The following NUP188 variants were observed in gnomAD, a reference collection of about 807,000 sequenced individuals.
NUP188 encodes the protein nucleoporin 188, also known as nucleoporin NUP188.
NUP188 carries 97 observed loss-of-function variants against 223.0 expected under a neutral mutation model. That is an observed-to-expected ratio of 0.43 (90% CI 0.37 to 0.51). The LOEUF (loss-of-function observed/expected upper bound fraction) is 0.51, where lower values mean the gene tolerates loss of function less well. Among genes scored for constraint, NUP188 ranks in the 20% least tolerant of loss-of-function variants. NUP188 has a pLI of 0.00. For missense variants in NUP188, 1,947 were observed against 2,175.6 expected (o/e 0.89, Z 2.09); for synonymous variants, 869 against 828.0 (o/e 1.05, Z -0.85).
chr9:129,003,598 A>C (rs1203637195), intron 38 of NUP188, 144 bp downstream of exon 38: 1 of 953,804 alleles, frequency 1.0e-6, no homozygotes, highest in Admixed American at 1.8e-5. Flanking sequence ...GTTTGCTGTC[A>C]TGTGCTTACT....
chr9:128,981,813 G>A (rs1267766175), intron 15 of NUP188, among the ~76,000 whole-genome samples: 2 of 152,108 alleles, frequency 1.3e-5, no homozygotes, highest in Non-Finnish European at 2.9e-5. Context: ...AGTGGCTCAC[G>A]CCTGTAATCC....
chr9:128,986,560 G>A lies in NUP188; in HGVS notation c.2079G>A (p.Gly693=), dbSNP rs1236160335. 3 of 1,612,900 alleles carry A rather than the reference G, an allele frequency of 1.9e-6. No homozygotes were observed. The highest frequency in any genetic ancestry group is 1.3e-5 in the African/African-American group (1 of 74,856). ...FLRLITTLVK[G]QLGSTQSQGL... ...CCTCACTGCATGGTTTCTTGTAGGG[G>A]CAACTTGGTAGTACCCAGAGCCAAG... is the stretch of plus-strand genomic sequence containing the variant. Residue 693 remains glycine (G), a splice_region_variant and synonymous_variant, in exon 21 of 44, where the codon GGG becomes GGA. Coordinates refer to ENST00000372577, the MANE Select transcript of NUP188 (RefSeq NM_015354.3).
Position 128,998,555 on chromosome 9 carries a change from A to T in NUP188, c.3447A>T (p.Ser1149=). ...GTKALLLVPA[S]VNCLRLGSMK... ...CCTTTCAGCTCCTAGTTCCAGCCTC[A>T]GTGAACTGCCTTCGCCTTGGCTCCA... The change falls in exon 32 of 44, where the codon TCA becomes TCT. Residue 1149 remains serine, a synonymous_variant. Transcript: ENST00000372577. The T allele has an allele frequency of 6.2e-7, 1 of 1,614,142 alleles. No homozygotes were observed. The highest frequency in any genetic ancestry group is 8.5e-7 in the Non-Finnish European group (1 of 1,179,996).
intron 28 of NUP188, 89 bp downstream of exon 28, chr9:128,994,531 C>A: frequency 1.2e-6 from 1 of 859,978 alleles, no homozygotes; most frequent in Non-Finnish European, 1.9e-6. Flanking sequence ...ACAATGATAC[C>A]TCCCCTAATT....
At chr9:128,948,599 T>A (rs1172003735) in intron 1 of NUP188, 1 of 150,830 alleles carries the variant, frequency 6.6e-6, no homozygotes, top group South Asian at 2.1e-4. Flanking sequence ...CCACCACGCC[T>A]CCTTCTGTCT....
At position 128,986,805 on chromosome 9, in the gene NUP188, C is replaced by T. The variant is rs1693480633; in HGVS notation, c.2198-4C>T. 1.2e-6 allele frequency: 2 copies of T among 1,614,070 alleles called. No homozygotes were observed. Among genetic ancestry groups the T allele is most frequent in the Non-Finnish European group, 1.7e-6 (2 of 1,179,978 alleles). ...ATCATTCCTCTGTCTTTTCTGGAGT[C>T]CAGGTTGCCTGATCTTGGAGCTGAT... On this transcript the variant is annotated splice_polypyrimidine_tract_variant and splice_region_variant and intron_variant, in intron 21 of 43. Coordinates refer to ENST00000372577, the MANE Select transcript of NUP188 (RefSeq NM_015354.3).
chr9:128,982,956 T>C lies in NUP188; in HGVS notation c.1724T>C (p.Val575Ala). ...CCCATCATTGATCTCGTCCATAAGG[T>C]CATCAGTACAGACCTGTCGATAGCA... ...VKPIIDLVHK[V>A]ISTDLSIADC... The change falls in exon 17 of 44, where the codon GTC becomes GCC. Residue 575 changes from valine to alanine, a missense_variant. By Grantham distance (64) the Val-to-Ala change is moderately conservative. Around this residue, in one of 3 missense-constraint regions of NUP188, gnomAD observed 817 missense variants for 865.8 expected, o/e 0.94. Coordinates refer to ENST00000372577, the MANE Select transcript of NUP188 (RefSeq NM_015354.3). 6.2e-7 allele frequency: 1 copy of C among 1,614,108 alleles called. No individual in the cohort carries two copies. The highest frequency in any genetic ancestry group is 8.5e-7 in the Non-Finnish European group (1 of 1,180,008).
intron 30 of NUP188, among the ~76,000 whole-genome samples, chr9:128,996,330 C>T (rs962180431): frequency 1.3e-5 from 2 of 151,774 alleles, no homozygotes; most frequent in African/African-American, 4.8e-5. Context: ...TTGTATTTTT[C>T]GTAGAGATGG....
intron 10 of NUP188, 63 bp from the exon 11 acceptor site, chr9:128,970,695 T>C: frequency 7.1e-7 from 1 of 1,401,100 alleles, no homozygotes; most frequent in Non-Finnish European, 1.0e-6. Flanking sequence ...TGATGAAGAA[T>C]CTGGTCGAGG....
At chr9:128,988,719 A>ATTTTTTT (rs528821221) in intron 24 of NUP188, among the ~76,000 whole-genome samples, 179 of 72,812 alleles carry the variant, frequency 2.5e-3, no homozygotes, top group Non-Finnish European at 3.4e-3. Context: ...TAATTTTTTA[A>ATTTTTTT]TTTTTTTTTT....
Position 128,983,469 on chromosome 9 carries a change from C to G in NUP188, c.1885-5C>G, listed in dbSNP as rs779645800. The G allele has an allele frequency of 6.2e-7, 1 of 1,613,998 alleles. No individual in the cohort carries two copies. ...GGGCATTTAACTCTTCCTTTTCCTT[C>G]TCAGGTCTGGACTGATCTTCGTCAC... On this transcript the variant is annotated splice_region_variant and splice_polypyrimidine_tract_variant and intron_variant, in intron 18 of 43. Coordinates refer to ENST00000372577, the MANE Select transcript of NUP188 (RefSeq NM_015354.3).
Position 128,983,486 on chromosome 9 carries a change from C to G in NUP188, c.1897C>G (p.Leu633Val). Residue 633 changes from leucine (L) to valine (V), a missense_variant, in exon 19 of 44, where the codon CTT becomes GTT. This residue lies in a region of NUP188 where 817 missense variants were observed against 865.8 expected (regional missense o/e 0.94). Coordinates refer to ENST00000372577, the MANE Select transcript of NUP188 (RefSeq NM_015354.3). ...ARNPAKVWTD[L>V]RHTGFLPFVA... ...TTTTCCTTCTCAGGTCTGGACTGAT[C>G]TTCGTCACACAGGTTTTTTACCATT... The G allele has an allele frequency of 6.2e-7, 1 of 1,614,132 alleles. No homozygotes were observed. Among genetic ancestry groups the G allele is most frequent in the South Asian group, 1.1e-5 (1 of 91,072 alleles).
intron 3 of NUP188, among the ~76,000 whole-genome samples, chr9:128,954,475 C>T (rs1203206822): frequency 6.6e-6 from 1 of 150,904 alleles, no homozygotes; most frequent in Non-Finnish European, 1.5e-5. Context: ...AGCTCTGCCT[C>T]CCGGGTTCAC....
chr9:128,953,376 A>G (rs1458354712), intron 3 of NUP188, among the ~76,000 whole-genome samples: 1 of 152,244 alleles, frequency 6.6e-6, no homozygotes, highest in African/African-American at 2.4e-5. Flanking sequence ...TTGCAAATAA[A>G]GAGAATGCAG....
Position 128,993,301 on chromosome 9 carries a change from A to G in NUP188, c.2745A>G (p.Lys915=). The change falls in exon 26 of 44, where the codon AAA becomes AAG. Residue 915 remains lysine (K), a synonymous_variant. Coordinates refer to ENST00000372577, the MANE Select transcript of NUP188 (RefSeq NM_015354.3). ...LQSKIEDMRI[K]VMILEFLTVA... ...GCAAAATTGAGGACATGCGCATCAAAGTCATGATTCTAGAGTTCCTCACTG... is the reference window on the plus strand; with the variant it reads ...GCAAAATTGAGGACATGCGCATCAAGGTCATGATTCTAGAGTTCCTCACTG... The G allele has an allele frequency of 1.9e-6, 3 of 1,614,212 alleles. No homozygotes were observed. The highest frequency in any genetic ancestry group is 1.7e-6 in the Non-Finnish European group (2 of 1,180,022).
intron 8 of NUP188, chr9:128,964,356 C>T (rs1200310377): frequency 3.5e-6 from 1 of 285,972 alleles, no homozygotes; most frequent in Non-Finnish European, 6.9e-6. Flanking sequence ...TCTTTTCCCA[C>T]CTTAATTCTT....
intron 15 of NUP188, 119 bp from the exon 16 acceptor site, chr9:128,982,427 CAAA>C: frequency 4.0e-6 from 3 of 757,740 alleles, no homozygotes; most frequent in Non-Finnish European, 3.9e-6. Context: ...GACTCTGTCT[CAAA>C]AAAAAAAAAT....
chr9:129,003,868 G>A (rs1842724330), intron 38 of NUP188: 2 of 304,984 alleles, frequency 6.6e-6, no homozygotes, highest in Non-Finnish European at 1.2e-5. Flanking sequence ...AGCTACTCGG[G>A]AGGCTGAGTT....
intron 22 of NUP188, among the ~76,000 whole-genome samples, chr9:128,987,084 A>AGTGTGTGTGT (rs1337461997): frequency 7.8e-6 from 1 of 128,130 alleles, no homozygotes; most frequent in East Asian, 2.3e-4. Flanking sequence ...AGAGAGAGAG[A>AGTGTGTGTGT]GAGAGTGTGT....
Sources: gnomAD v4.1 joint callset for allele counts (sites outside exome capture counted in the v4.1 genomes callset) on GRCh38, gnomAD v4.1.1 for gene constraint, gnomAD v4.1.1 regional missense constraint, MANE v1.5 for transcripts, NCBI Gene and HGNC (gene_info 2026-07-23, HGNC 2026-07-21) for gene names.